SSBP4: variants seen among roughly 807,000 people sequenced by gnomAD.
SSBP4 encodes the protein single-stranded DNA-binding protein 4.
A neutral mutation model predicts 64.6 loss-of-function variants in SSBP4; 33 were observed. The observed-to-expected ratio is 0.51, with a 90% CI of 0.39 to 0.68. The LOEUF is 0.68. Ranked by LOEUF, SSBP4 falls within the 30% of genes least tolerant of loss-of-function variation. The probability of loss-of-function intolerance (pLI) is 0.00; values close to 1 mark genes in which losing one functional copy is unlikely to be tolerated. For missense variants in SSBP4, 583 were observed against 566.8 expected (o/e 1.03, Z -0.29); for synonymous variants, 243 against 224.0 (o/e 1.08, Z -0.76).
upstream of SSBP4, among the ~76,000 whole-genome samples, chr19:18,415,168 A>G (rs1388073566): frequency 2.6e-5 from 4 of 151,478 alleles, no homozygotes; most frequent in African/African-American, 9.7e-5. Flanking sequence ...AAAATTACCC[A>G]TAATTACAGC....
rs943668165 is a variant in SSBP4, at chr19:18,432,736, G to T, written c.786+1G>T. The T allele has an allele frequency of 1.2e-6, 2 of 1,601,966 alleles. No individual in the cohort carries two copies. Among genetic ancestry groups the T allele is most frequent in the African/African-American group, 1.3e-5 (1 of 74,712 alleles). ...CTCCTCATCCCCCGGCAGCTACACC[G>T]TAAGTCTGAGCAAAGCTGGGTCACC... On this transcript the variant is annotated splice_donor_variant, in intron 12 of 17. Transcript: ENST00000270061. LOFTEE classifies it high-confidence loss of function.
the SSBP4 span, among the ~76,000 whole-genome samples, chr19:18,405,471 G>A: frequency 6.7e-6 from 1 of 149,540 alleles, no homozygotes; most frequent in Non-Finnish European, 1.5e-5. Context: ...GACCAGCCTG[G>A]GCAACATAGT....
chr19:18,422,646 G>A (rs997890246), intron 1 of SSBP4, among the ~76,000 whole-genome samples: 13 of 152,202 alleles, frequency 8.5e-5, no homozygotes, highest in African/African-American at 3.1e-4. Flanking sequence ...TTCCTCATGT[G>A]AAATGTGGAC....
At chr19:18,417,311 TG>T (rs2144656063), upstream of SSBP4, among the ~76,000 whole-genome samples, 1 of 152,282 alleles carries the variant, frequency 6.6e-6, no homozygotes, top group South Asian at 2.1e-4. The surrounding 1 kb of genome is among the most constrained non-coding windows in gnomAD (Gnocchi z 5.4). Flanking sequence ...ACATGTTTAA[TG>T]GGGTGAAGAC....
Position 18,430,834 on chromosome 19 carries a change from C to G in SSBP4, c.280-7C>G, listed in dbSNP as rs768736900. On this transcript the variant is annotated splice_region_variant and splice_polypyrimidine_tract_variant and intron_variant, in intron 4 of 17. Coordinates refer to ENST00000270061, the MANE Select transcript of SSBP4 (RefSeq NM_032627.5). ...CCTGGCCCTCTGGGTTTCCCGCACCCTTACAGAGTGCTGCAGCCGCCCCCA... is the reference window on the plus strand; with the variant it reads ...CCTGGCCCTCTGGGTTTCCCGCACCGTTACAGAGTGCTGCAGCCGCCCCCA... 9 of 1,611,556 alleles carry G rather than the reference C, an allele frequency of 5.6e-6. No individual in the cohort carries two copies. Among genetic ancestry groups the G allele is most frequent in the Non-Finnish European group, 7.6e-6 (9 of 1,178,856 alleles).
chr19:18,419,570 G>A lies in SSBP4; in HGVS notation c.-79G>A. 5.8e-6 allele frequency: 7 copies of A among 1,203,998 alleles called. 1 individual carries two copies. The highest frequency in any genetic ancestry group is 5.2e-5 in the South Asian group (2 of 38,396). 74.6% of individuals were successfully genotyped at this position (1,203,998 alleles called of 1,614,324 possible). On this transcript the variant is annotated 5_prime_UTR_variant, in exon 1 of 18. Coordinates refer to ENST00000270061, the MANE Select transcript of SSBP4 (RefSeq NM_032627.5). The stretch of plus-strand genomic sequence containing the variant: ...CGGGGCGGTGAGGCCCGGGGCGCGG[G>A]GTAGCTATGGCGACGGCAAGCGCGG...
chr19:18,420,073 G>A (rs1217293578), intron 1 of SSBP4: 1 of 127,818 alleles, frequency 7.8e-6, no homozygotes, highest in East Asian at 2.3e-4. Context: ...CGGGGGTCGC[G>A]AGGCCTCCTC....
At chr19:18,434,108 C>T in intron 17 of SSBP4, 109 bp from the exon 18 acceptor site, 1 of 1,479,378 alleles carries the variant, frequency 6.8e-7, no homozygotes, top group African/African-American at 1.4e-5. Flanking sequence ...CACCCCATGT[C>T]TGCCCAGGAC....
At chr19:18,431,056 G>T in intron 5 of SSBP4, 126 bp downstream of exon 5, 3 of 1,143,566 alleles carry the variant, frequency 2.6e-6, no homozygotes, top group Non-Finnish European at 3.8e-6. Context: ...AGGGTCCTCT[G>T]TGCCGCAGGT....
chr19:18,413,120 C>T, the SSBP4 span, among the ~76,000 whole-genome samples: 13 of 137,092 alleles, frequency 9.5e-5, no homozygotes, highest in East Asian at 1.1e-3. Flanking sequence ...CACTCAGGGG[C>T]GAGGAGCGTG....
intron 1 of SSBP4, among the ~76,000 whole-genome samples, chr19:18,424,281 G>A (rs1253817050): frequency 2.6e-5 from 4 of 152,160 alleles, no homozygotes; most frequent in Admixed American, 2.0e-4. Context: ...GGGGGTCCCC[G>A]GGCCGGTTTG....
At position 18,432,200 on chromosome 19, in the gene SSBP4, G is replaced by T. The variant is rs758065909; in HGVS notation, c.690G>T (p.Leu230=). Residue 230 remains leucine (L), a synonymous_variant, in exon 10 of 18, where the codon CTG becomes CTT. Coordinates refer to ENST00000270061, the MANE Select transcript of SSBP4 (RefSeq NM_032627.5). ...PPPNSLAGPG[L]PAMNMGPGVR... ...CCAACTCCCTCGCCGGCCCAGGCCT[G>T]CCTGCCATGAACATGTAAGACCCTG... 2.2e-5 allele frequency: 35 copies of T among 1,613,114 alleles called. No individual in the cohort carries two copies. Among genetic ancestry groups the T allele is most frequent in the Non-Finnish European group, 2.9e-5 (34 of 1,179,984 alleles).
intron 1 of SSBP4, among the ~76,000 whole-genome samples, chr19:18,420,564 T>G (rs1157638813): frequency 6.6e-6 from 1 of 151,884 alleles, no homozygotes; most frequent in Non-Finnish European, 1.5e-5. Flanking sequence ...GCAGTGTTGT[T>G]AAAAGTGCCC....
At chr19:18,431,914 C>A in intron 8 of SSBP4, 52 bp downstream of exon 8, 1 of 1,566,956 alleles carries the variant, frequency 6.4e-7, no homozygotes. Flanking sequence ...AATTCCAGCT[C>A]TCAGAGCCCA....
the SSBP4 span, among the ~76,000 whole-genome samples, chr19:18,407,032 T>TTAG: frequency 1.3e-5 from 2 of 151,260 alleles, no homozygotes; most frequent in Non-Finnish European, 2.9e-5. Flanking sequence ...ATTTTTTATT[T>TTAG]TATTATTATT....
the SSBP4 span, among the ~76,000 whole-genome samples, chr19:18,406,610 C>T: frequency 2.0e-3 from 298 of 151,772 alleles, 1 homozygote; most frequent in Non-Finnish European, 2.2e-3. Flanking sequence ...ATTGTGCCAC[C>T]GCACTCCAGC....
the SSBP4 span, among the ~76,000 whole-genome samples, chr19:18,410,552 G>A: frequency 6.6e-6 from 1 of 152,094 alleles, no homozygotes; most frequent in Admixed American, 6.6e-5. Flanking sequence ...GGGGTGTGGC[G>A]TGACTGGGTG....
upstream of SSBP4, among the ~76,000 whole-genome samples, chr19:18,413,996 A>T (rs1972112801): frequency 6.6e-6 from 1 of 151,030 alleles, no homozygotes. Context: ...CAGCCTGGGC[A>T]ACAGTGCAAG....
chr19:18,413,494 G>A, the SSBP4 span, among the ~76,000 whole-genome samples: 5 of 152,074 alleles, frequency 3.3e-5, no homozygotes, highest in Non-Finnish European at 7.4e-5. Context: ...GATTACAGGC[G>A]TGACCCACCA....
Sources: gnomAD v4.1 joint callset for allele counts (sites outside exome capture counted in the v4.1 genomes callset) on GRCh38, gnomAD v4.1.1 for gene constraint, Gnocchi (gnomAD v3.1) non-coding constraint, MANE v1.5 for transcripts, NCBI Gene and HGNC (gene_info 2026-07-23, HGNC 2026-07-21) for gene names.